Variants in CNBD1 observed in about 807,000 individuals in gnomAD.
CNBD1 encodes the protein cyclic nucleotide binding domain containing 1.
Under a neutral mutation model 54.4 loss-of-function variants are expected in CNBD1, and 71 were observed. The ratio of observed to expected loss-of-function variants is 1.30; its 90% CI spans 1.08 to 1.59. The LOEUF is 1.59. CNBD1 is among the 40% of genes most tolerant of loss of function. The probability of loss-of-function intolerance (pLI) is 0.00; values close to 1 mark genes in which losing one functional copy is unlikely to be tolerated. For synonymous variants in CNBD1, 182 were observed against 170.7 expected (o/e 1.07, Z -0.51); for missense variants, 659 against 518.0 (o/e 1.27, Z -2.64).
intron 10 of CNBD1, among the ~76,000 whole-genome samples, chr8:87,375,777 A>T (rs1719344689): frequency 6.6e-6 from 1 of 152,034 alleles, no homozygotes; most frequent in South Asian, 2.1e-4. Context: ...GTTAAATTTG[A>T]GTTAAAGTTT....
In CNBD1 at chr8:87,167,454, T is replaced by G. The variant is rs992082358; in HGVS notation, c.432-38539T>G. 5.9e-5 allele frequency among the ~76,000 whole-genome samples: 9 copies of G among 151,880 alleles called. No individual in the cohort carries two copies. The South Asian group carries it at 8.3e-4, about 14-fold the overall frequency. On this transcript the variant is annotated intron_variant, in intron 4 of 10. Coordinates refer to ENST00000518476, the MANE Select transcript of CNBD1 (RefSeq NM_173538.3). ...CAGTGTATAGAACACTAGAACATTT[T>G]TTGTTGTTGTTGTTTTGTTTTTAGA...
chr8:87,400,330 G>A (rs1217347817), intron 2 of CNBD1, among the ~76,000 whole-genome samples: 1 of 151,936 alleles, frequency 6.6e-6, no homozygotes, highest in Non-Finnish European at 1.5e-5. Flanking sequence ...TCTGGTACCA[G>A]GACTGGATTG....
intron 4 of CNBD1, among the ~76,000 whole-genome samples, chr8:87,123,845 G>A (rs1457688196): frequency 2.6e-5 from 4 of 151,404 alleles, no homozygotes; most frequent in Non-Finnish European, 5.9e-5. Context: ...GATATTACAG[G>A]AACAATTGTG....
At position 87,236,968 on chromosome 8, in the gene CNBD1, TC is replaced by T. The variant is rs778976241; in HGVS notation, c.628del (p.Gln210LysfsTer8). ...YVILKGLARP[Q>X]TNVYKNLIEG... Reference sequence around the variant, plus strand: ...TAATACTGAAAGGCCTAGCTCGACCTCAAACAAACGTGTATAAAAATCTGAT... The same window carrying T: ...TAATACTGAAAGGCCTAGCTCGACCTAAACAAACGTGTATAAAAATCTGAT... On this transcript the variant is annotated frameshift_variant, in exon 6 of 11. Coordinates refer to ENST00000518476, the MANE Select transcript of CNBD1 (RefSeq NM_173538.3). LOFTEE classifies it high-confidence loss of function. 1.4e-5 allele frequency: 22 copies of T among 1,611,928 alleles called. No homozygotes were observed. Among genetic ancestry groups the T allele is most frequent in the African/African-American group, 2.7e-5 (2 of 74,814 alleles).
chr8:87,084,652 T>C (rs1211369928), intron 4 of CNBD1, among the ~76,000 whole-genome samples: 4 of 152,022 alleles, frequency 2.6e-5, no homozygotes, highest in African/African-American at 9.7e-5. Context: ...CTTCGTATGA[T>C]GTATTTAGTT....
intron 4 of CNBD1, among the ~76,000 whole-genome samples, chr8:87,014,581 T>C (rs192288412): frequency 6.6e-6 from 1 of 152,176 alleles, no homozygotes; most frequent in East Asian, 1.9e-4. Flanking sequence ...GTAAATAATC[T>C]AGGTAAACTA....
chr8:87,324,564 C>T (rs1809626675), intron 8 of CNBD1, among the ~76,000 whole-genome samples: 1 of 145,318 alleles, frequency 6.9e-6, no homozygotes, highest in South Asian at 2.1e-4. Flanking sequence ...GTATCCATTT[C>T]TTCTAGATTT....
intron 8 of CNBD1, among the ~76,000 whole-genome samples, chr8:87,335,845 G>T (rs759754135): frequency 6.6e-6 from 1 of 152,110 alleles, no homozygotes; most frequent in Non-Finnish European, 1.5e-5. Context: ...CCTGGTACTG[G>T]TTTTTCCTTT....
At chr8:86,958,017 C>G (rs1160711180) in intron 4 of CNBD1, among the ~76,000 whole-genome samples, 1 of 152,160 alleles carries the variant, frequency 6.6e-6, no homozygotes, top group East Asian at 1.9e-4. Flanking sequence ...CCTAGAGATT[C>G]TGGTATTTGT....
intron 3 of CNBD1, among the ~76,000 whole-genome samples, chr8:86,932,787 G>T (rs547405325): frequency 4.6e-5 from 7 of 151,782 alleles, no homozygotes; most frequent in African/African-American, 1.7e-4. Flanking sequence ...TGATGCCTGA[G>T]TGTTTCCCAT....
intron 6 of CNBD1, among the ~76,000 whole-genome samples, chr8:87,246,835 T>C (rs868672583): frequency 6.6e-5 from 10 of 152,110 alleles, no homozygotes; most frequent in African/African-American, 2.4e-4. Context: ...ATTACACTTA[T>C]TGTGAACCTT....
intron 4 of CNBD1, among the ~76,000 whole-genome samples, chr8:87,027,460 T>C (rs754344486): frequency 3.3e-5 from 5 of 152,056 alleles, no homozygotes; most frequent in African/African-American, 7.2e-5. Context: ...TTAGTAGAGA[T>C]GGGGTTTCAC....
intron 4 of CNBD1, among the ~76,000 whole-genome samples, chr8:87,087,715 C>G (rs988144234): frequency 1.3e-5 from 2 of 152,102 alleles, no homozygotes; most frequent in African/African-American, 2.4e-5. Flanking sequence ...ATCCGCCCGC[C>G]TCGGCCTCCC....
chr8:87,375,079 A>G (rs77068681), intron 10 of CNBD1, among the ~76,000 whole-genome samples: 2,869 of 152,052 alleles, frequency 0.019, 91 homozygotes, highest in African/African-American at 0.062. Context: ...ATAATTATAC[A>G]GTACATTTAG....
intron 4 of CNBD1, among the ~76,000 whole-genome samples, chr8:86,961,055 C>CTACTT (rs1807916113): frequency 6.6e-6 from 1 of 152,178 alleles, no homozygotes; most frequent in African/African-American, 2.4e-5. Context: ...GAAGACATTT[C>CTACTT]TACTTTTATT....
chr8:87,005,534 A>G (rs538913470), intron 4 of CNBD1, among the ~76,000 whole-genome samples: 1 of 152,138 alleles, frequency 6.6e-6, no homozygotes, highest in South Asian at 2.1e-4. Context: ...CATTAATTCC[A>G]TAATTCGTAT....
At chr8:87,124,737 G>A (rs1337091136) in intron 4 of CNBD1, among the ~76,000 whole-genome samples, 12 of 151,602 alleles carry the variant, frequency 7.9e-5, no homozygotes, top group African/African-American at 2.2e-4. Context: ...TTCAATGTCA[G>A]AAATAAGATA....
intron 6 of CNBD1, among the ~76,000 whole-genome samples, chr8:87,276,413 T>G (rs10086960): frequency 0.28 from 42,679 of 151,656 alleles, 6,454 homozygotes; most frequent in African/African-American, 0.39. Context: ...AATCTCCACC[T>G]TTATGAGAAA....
intron 4 of CNBD1, among the ~76,000 whole-genome samples, chr8:87,177,527 G>A (rs1307676532): frequency 6.6e-6 from 1 of 151,828 alleles, no homozygotes; most frequent in Non-Finnish European, 1.5e-5. Flanking sequence ...TGAACAAATC[G>A]AGCATTGATA....
Sources: gnomAD v4.1 joint callset for allele counts (sites outside exome capture counted in the v4.1 genomes callset) on GRCh38, gnomAD v4.1.1 for gene constraint, MANE v1.5 for transcripts, NCBI Gene and HGNC (gene_info 2026-07-23, HGNC 2026-07-21) for gene names.